Variants in ZNF385D observed in about 807,000 individuals in gnomAD.
ZNF385D encodes the protein zinc finger protein 659.
ZNF385D carries 15 observed loss-of-function variants against 35.8 expected under a neutral mutation model. The observed-to-expected ratio is 0.42, with a 90% CI of 0.28 to 0.64. The LOEUF (loss-of-function observed/expected upper bound fraction) is 0.64, where lower values mean the gene tolerates loss of function less well. Among genes scored for constraint, ZNF385D ranks in the 30% least tolerant of loss-of-function variants. The pLI is 0.23. For synonymous variants in ZNF385D, 212 were observed against 186.8 expected (o/e 1.13, Z -1.10); for missense variants, 474 against 494.6 (o/e 0.96, Z 0.39).
rs137869875 is a variant in ZNF385D, at chr3:22,181,423, G to A, written c.107-12388C>T. On this transcript the variant is annotated intron_variant, in intron 2 of 5. Transcript: ENST00000494108. Reference sequence around the variant, plus strand: ...TAGAATATGGTAAAGGTGGCCGGGCGCGGTGTCTCAAGCCTGTAATCCCAG... The same window carrying A: ...TAGAATATGGTAAAGGTGGCCGGGCACGGTGTCTCAAGCCTGTAATCCCAG... Among the ~76,000 whole-genome samples the A allele has an allele frequency of 4.7e-3, 718 of 152,146 alleles. 3 individuals are homozygous for A. Among genetic ancestry groups the A allele is most frequent in the South Asian group, 0.014 (69 of 4,814 alleles).
intron 3 of ZNF385D, among the ~76,000 whole-genome samples, chr3:21,874,139 ATTCTTGCTATCAC>A (rs1346642294): frequency 6.6e-6 from 1 of 151,968 alleles, no homozygotes; most frequent in Non-Finnish European, 1.5e-5. Flanking sequence ...TTTTTTCCAT[ATTCTTGCTATCAC>A]TTCTTCCTTT....
intron 3 of ZNF385D, among the ~76,000 whole-genome samples, chr3:22,127,064 GTCTT>G (rs1368766140): frequency 3.3e-5 from 5 of 151,888 alleles, no homozygotes; most frequent in African/African-American, 1.2e-4. Context: ...TCTATTGTGT[GTCTT>G]TACAGGTGAA....
At chr3:21,605,783 G>T (rs901561093) in intron 2 of ZNF385D, among the ~76,000 whole-genome samples, 1 of 152,142 alleles carries the variant, frequency 6.6e-6, no homozygotes, top group Non-Finnish European at 1.5e-5. Context: ...TAGTTGTAAG[G>T]ATATGGATGA....
At chr3:22,103,607 T>C (rs986789032) in intron 3 of ZNF385D, among the ~76,000 whole-genome samples, 56 of 152,242 alleles carry the variant, frequency 3.7e-4, no homozygotes, top group African/African-American at 1.3e-3. Flanking sequence ...ATGAATCATC[T>C]GAGTGACCAA....
rs139363184 is a variant in ZNF385D at position 21,797,407 on chromosome 3, C to T, written c.326-132379G>A. ...TGCTAGTGGAAACAAAATCCTAGAGCCACTTTGGAAGACAGTTTGGTGGTT... is the reference window on the plus strand; with the variant it reads ...TGCTAGTGGAAACAAAATCCTAGAGTCACTTTGGAAGACAGTTTGGTGGTT... On this transcript the variant is annotated intron_variant, in intron 3 of 5. Coordinates refer to the ZNF385D transcript ENST00000494108. Among the ~76,000 whole-genome samples the T allele has an allele frequency of 2.5e-3, 384 of 152,272 alleles. 1 individual carries two copies. Among genetic ancestry groups the T allele is most frequent in the African/African-American group, 8.9e-3 (369 of 41,562 alleles).
chr3:21,537,121 CAA>C lies in ZNF385D; in HGVS notation c.277-26100_277-26099del, dbSNP rs1174080460. Among the ~76,000 whole-genome samples, 111 of 127,430 alleles carry C rather than the reference CAA, an allele frequency of 8.7e-4. 1 individual carries two copies. Among genetic ancestry groups the C allele is most frequent in the African/African-American group, 2.8e-3 (100 of 35,738 alleles). 83.6% of individuals were successfully genotyped at this position (127,430 alleles called of 152,430 possible). Reference sequence around the variant, plus strand: ...CAGAAATTCATGGTGAACAAAATATCAACTTTTTTTTTTTTTTTTTTTTTTTT... The same window carrying C: ...CAGAAATTCATGGTGAACAAAATATCCTTTTTTTTTTTTTTTTTTTTTTTT... On this transcript the variant is annotated intron_variant, in intron 3 of 7. Coordinates refer to ENST00000281523, the MANE Select transcript of ZNF385D (RefSeq NM_024697.3).
At chr3:22,300,932 T>C (rs914780735) in intron 2 of ZNF385D, among the ~76,000 whole-genome samples, 4 of 152,076 alleles carry the variant, frequency 2.6e-5, no homozygotes, top group Non-Finnish European at 4.4e-5. Context: ...ATACTACTAC[T>C]GGGTATATAT....
rs1242322150 is a variant in ZNF385D, at chr3:21,547,917, A to T, written c.276+16657T>A. 2.6e-5 allele frequency among the ~76,000 whole-genome samples: 4 copies of T among 151,972 alleles called. 1 individual carries two copies. The highest frequency in any genetic ancestry group is 2.6e-4 in the Admixed American group (4 of 15,246). On this transcript the variant is annotated intron_variant, in intron 3 of 7. Coordinates refer to ENST00000281523, the MANE Select transcript of ZNF385D (RefSeq NM_024697.3). ...TGAGCCAATGCACCCGGCCACACGT[A>T]CTTCTTTAGATGGAGGAATGAGACA...
At chr3:22,356,647 A>C (rs1305928993) in intron 2 of ZNF385D, among the ~76,000 whole-genome samples, 1 of 152,014 alleles carries the variant, frequency 6.6e-6, no homozygotes, top group Admixed American at 6.6e-5. Context: ...TAGATAATAC[A>C]TAGAATGCAA....
chr3:21,495,322 G>C (rs1301231672), intron 4 of ZNF385D, among the ~76,000 whole-genome samples: 2 of 151,824 alleles, frequency 1.3e-5, no homozygotes, highest in South Asian at 4.2e-4. Flanking sequence ...TAGAGAGCTG[G>C]CAGAGAAATA....
At chr3:22,332,004 GAAGAA>G (rs1559525007) in intron 2 of ZNF385D, among the ~76,000 whole-genome samples, 1 of 152,026 alleles carries the variant, frequency 6.6e-6, no homozygotes, top group African/African-American at 2.4e-5. Context: ...AAGTAATATA[GAAGAA>G]TAGTATAGAA....
intron 4 of ZNF385D, among the ~76,000 whole-genome samples, chr3:21,505,206 T>G (rs1466834379): frequency 6.6e-6 from 1 of 152,052 alleles, no homozygotes; most frequent in Non-Finnish European, 1.5e-5. Context: ...TTTGAATCTG[T>G]TAAGTATTGA....
chr3:22,321,196 CATCTCTTTT>C (rs1189467430), intron 2 of ZNF385D, among the ~76,000 whole-genome samples: 2 of 77,172 alleles, frequency 2.6e-5, no homozygotes, highest in Non-Finnish European at 5.2e-5. Flanking sequence ...CATTTTCTGG[CATCTCTTTT>C]ATCTCTTTTA....
chr3:21,972,829 A>AAATGG (rs1703349541), intron 3 of ZNF385D, among the ~76,000 whole-genome samples: 1 of 151,862 alleles, frequency 6.6e-6, no homozygotes, highest in Non-Finnish European at 1.5e-5. Context: ...AACGTAAAAG[A>AAATGG]ATAAATTCCT....
intron 2 of ZNF385D, among the ~76,000 whole-genome samples, chr3:21,648,641 T>A (rs567054289): frequency 6.6e-6 from 1 of 152,282 alleles, no homozygotes; most frequent in African/African-American, 2.4e-5. Flanking sequence ...TCTATAAGAA[T>A]CTCTTATGAT....
intron 3 of ZNF385D, among the ~76,000 whole-genome samples, chr3:21,998,174 G>A (rs972412570): frequency 1.3e-5 from 2 of 152,088 alleles, no homozygotes; most frequent in African/African-American, 4.8e-5. Flanking sequence ...GAAAGTTAGT[G>A]AATAACCTAC....
intron 2 of ZNF385D, among the ~76,000 whole-genome samples, chr3:22,332,192 C>T (rs1253114483): frequency 6.6e-6 from 1 of 151,978 alleles, no homozygotes; most frequent in African/African-American, 2.4e-5. Context: ...TTGTTTTTGC[C>T]CAGCTCCTCC....
intron 5 of ZNF385D, among the ~76,000 whole-genome samples, chr3:21,427,204 A>G (rs1032058096): frequency 6.6e-6 from 1 of 152,222 alleles, no homozygotes; most frequent in Non-Finnish European, 1.5e-5. Flanking sequence ...CAAAGAAAAA[A>G]TAGTCCTAGG....
At chr3:21,737,841 T>C (rs2069319845) in intron 1 of ZNF385D, among the ~76,000 whole-genome samples, 1 of 152,196 alleles carries the variant, frequency 6.6e-6, no homozygotes, top group East Asian at 1.9e-4. Context: ...AAGAAGACTG[T>C]TGCTCCATTT....
Sources: gnomAD v4.1 joint callset for allele counts (sites outside exome capture counted in the v4.1 genomes callset) on GRCh38, gnomAD v4.1.1 for gene constraint, MANE v1.5 for transcripts, NCBI Gene and HGNC (gene_info 2026-07-23, HGNC 2026-07-21) for gene names.